The following ACSL5 variants were observed in gnomAD, a reference collection of about 807,000 sequenced individuals.
ACSL5 encodes acyl-CoA synthetase long chain family member 5, also known as long-chain-fatty-acid--CoA ligase 5.
Under a neutral mutation model 84.9 loss-of-function variants are expected in ACSL5, and 50 were observed. That is an observed-to-expected ratio of 0.59 (90% CI 0.47 to 0.75). The LOEUF is 0.75. Ranked by LOEUF, ACSL5 falls within the 30% of genes least tolerant of loss-of-function variation. The probability of loss-of-function intolerance (pLI) is 0.00; values close to 1 mark genes in which losing one functional copy is unlikely to be tolerated. For missense variants in ACSL5, 775 were observed against 830.4 expected, an observed-to-expected ratio of 0.93 and a Z score of 0.82; for synonymous variants, 280 against 300.7, an observed-to-expected ratio of 0.93 and a Z score of 0.71.
intron 3 of ACSL5, among the ~76,000 whole-genome samples, chr10:112,400,778 T>C (rs556627266): frequency 7.1e-4 from 108 of 152,178 alleles, no homozygotes; most frequent in African/African-American, 2.5e-3. Flanking sequence ...AGTCTCAAAC[T>C]GACTTCAAGA....
chr10:112,400,406 C>CTATTTTTT (rs1843853995), intron 3 of ACSL5, among the ~76,000 whole-genome samples: 2 of 98,864 alleles, frequency 2.0e-5, no homozygotes, highest in African/African-American at 7.9e-5. Flanking sequence ...TTTTTCTTTT[C>CTATTTTTT]TTTTTTTTTT....
intron 1 of ACSL5, among the ~76,000 whole-genome samples, chr10:112,382,346 G>A (rs11195939): frequency 0.087 from 13,195 of 152,302 alleles, 688 homozygotes; most frequent in Non-Finnish European, 0.11. Flanking sequence ...CTCGCTAGTT[G>A]CCTTTCTCTC....
intron 3 of ACSL5, among the ~76,000 whole-genome samples, chr10:112,402,641 T>A (rs907286116): frequency 4.6e-5 from 7 of 152,230 alleles, no homozygotes; most frequent in African/African-American, 1.7e-4. Flanking sequence ...CATTTTTATA[T>A]CTCTTTAATC....
At chr10:112,407,942 T>C (rs539100150) in intron 5 of ACSL5, among the ~76,000 whole-genome samples, 1 of 152,312 alleles carries the variant, frequency 6.6e-6, no homozygotes, top group Admixed American at 6.5e-5. Flanking sequence ...CCCTGTGCCT[T>C]TCTTATCTCC....
chr10:112,426,885 T>C (rs769808605), intron 20 of ACSL5, 26 bp downstream of exon 20: 38 of 1,546,434 alleles, frequency 2.5e-5, no homozygotes, highest in Non-Finnish European at 2.0e-5. Context: ...GATGTTATAC[T>C]GGCCTCTTGT....
At chr10:112,403,980 T>C (rs1843968337) in intron 3 of ACSL5, among the ~76,000 whole-genome samples, 1 of 152,250 alleles carries the variant, frequency 6.6e-6, no homozygotes, top group Non-Finnish European at 1.5e-5. Flanking sequence ...CAAAGTATTA[T>C]ATTCATTCTA....
At chr10:112,415,360 C>A (rs537661809) in intron 12 of ACSL5, among the ~76,000 whole-genome samples, 1 of 152,092 alleles carries the variant, frequency 6.6e-6, no homozygotes, top group Admixed American at 6.5e-5. Flanking sequence ...CCACCACGAC[C>A]GGCTAATTTT....
At chr10:112,427,143 A>G in intron 20 of ACSL5, 75 bp from the exon 21 acceptor site, 1 of 1,452,720 alleles carries the variant, frequency 6.9e-7, no homozygotes. Flanking sequence ...CACTTTCTTC[A>G]CAGAGCACTC....
chr10:112,426,736 C>T (rs1844735391), intron 19 of ACSL5, 52 bp from the exon 20 acceptor site: 4 of 1,535,276 alleles, frequency 2.6e-6, no homozygotes, highest in South Asian at 1.1e-5. Flanking sequence ...CATGCTTAGC[C>T]CTTCAGGCTT....
chr10:112,417,897 T>C lies in ACSL5; in HGVS notation c.1270T>C (p.Ser424Pro), dbSNP rs755045342. Residue 424 changes from serine to proline, a missense_variant, in exon 14 of 21, where the codon TCC becomes CCC. Ser to Pro is a moderately conservative substitution (Grantham distance 74). Coordinates refer to ENST00000354655, the MANE Select transcript of ACSL5 (RefSeq NM_203379.2). ...AATTGTCACTGGAGCTGCCCCCATG[T>C]CCACTTCAGTCATGACATTCTTCCG... The part of the protein sequence containing the change: ...RVIVTGAAPM[S>P]TSVMTFFRAA... The C allele has an allele frequency of 6.2e-7, 1 of 1,613,852 alleles. No individual in the cohort carries two copies. Among genetic ancestry groups the C allele is most frequent in the South Asian group, 1.1e-5 (1 of 91,036 alleles).
intron 11 of ACSL5, chr10:112,412,317 G>T (rs1844196830): frequency 4.4e-6 from 1 of 226,352 alleles, no homozygotes; most frequent in Non-Finnish European, 8.6e-6. Context: ...ATTTTATTTT[G>T]GTTAGAATTT....
intron 1 of ACSL5, among the ~76,000 whole-genome samples, chr10:112,382,295 T>C (rs1849365621): frequency 1.3e-5 from 2 of 152,364 alleles, no homozygotes; most frequent in South Asian, 4.1e-4. Context: ...TTCTGTTCCT[T>C]GTGGGATTGA....
intron 1 of ACSL5, among the ~76,000 whole-genome samples, chr10:112,378,807 C>G (rs756108417): frequency 6.6e-6 from 1 of 152,210 alleles, no homozygotes; most frequent in Non-Finnish European, 1.5e-5. Flanking sequence ...GAAAGGGACT[C>G]TCTCACCAAC....
At chr10:112,407,728 T>C (rs1844077096) in intron 5 of ACSL5, among the ~76,000 whole-genome samples, 1 of 152,130 alleles carries the variant, frequency 6.6e-6, no homozygotes, top group Non-Finnish European at 1.5e-5. Flanking sequence ...TTAATCTACC[T>C]CTACCTCCAT....
chr10:112,421,801 G>A, intron 15 of ACSL5, 136 bp downstream of exon 15: 2 of 1,290,076 alleles, frequency 1.6e-6, no homozygotes, highest in African/African-American at 2.9e-5. Context: ...TTGGGTCCAG[G>A]CCTGCCTATC....
chr10:112,408,587 C>A, intron 6 of ACSL5, 66 bp downstream of exon 6: 1 of 1,160,618 alleles, frequency 8.6e-7, no homozygotes, highest in Non-Finnish European at 1.3e-6. Flanking sequence ...TCAATTTCTG[C>A]TTTTTTGTTT....
At chr10:112,427,177 A>G (rs762223136) in intron 20 of ACSL5, 41 bp from the exon 21 acceptor site, 28 of 1,576,958 alleles carry the variant, frequency 1.8e-5, no homozygotes, top group Non-Finnish European at 2.2e-5. Context: ...GAGAAGTCCA[A>G]ATCACTAATG....
intron 1 of ACSL5, among the ~76,000 whole-genome samples, chr10:112,374,750 A>C (rs1849206539): frequency 6.6e-6 from 1 of 152,166 alleles, no homozygotes; most frequent in African/African-American, 2.4e-5. Flanking sequence ...ATCTCATCCT[A>C]TAAAGCAGGT....
At chr10:112,378,577 G>A (rs929703504) in intron 1 of ACSL5, among the ~76,000 whole-genome samples, 2 of 151,986 alleles carry the variant, frequency 1.3e-5, no homozygotes, top group African/African-American at 4.8e-5. Flanking sequence ...TAGAAACCAG[G>A]AATACAGTGT....
Sources: allele counts gnomAD v4.1 joint callset (sites outside exome capture counted in the v4.1 genomes callset), GRCh38; gene constraint gnomAD v4.1.1; transcripts MANE v1.5; gene names NCBI Gene and HGNC (gene_info 2026-07-23, HGNC 2026-07-21).